CDKAL1: variants seen among roughly 807,000 people sequenced by gnomAD.
CDKAL1 encodes the protein CDKAL1 threonylcarbamoyladenosine tRNA methylthiotransferase.
In CDKAL1, 32 loss-of-function variants were observed where a neutral mutation model predicts 68.2. The observed-to-expected ratio is 0.47, with a 90% CI of 0.35 to 0.63. The LOEUF is 0.63. CDKAL1 is among the 30% of genes least tolerant of loss of function. The pLI is 0.00. For missense variants in CDKAL1, 606 were observed against 696.7 expected (o/e 0.87, Z 1.47); for synonymous variants, 234 against 244.3 (o/e 0.96, Z 0.39).
intron 2 of CDKAL1, among the ~76,000 whole-genome samples, chr6:20,540,558 C>T (rs1487201156): frequency 4.0e-5 from 6 of 151,756 alleles, no homozygotes; most frequent in African/African-American, 9.7e-5. Context: ...TGGGTTCAAG[C>T]GGTTCTTCTG....
intron 10 of CDKAL1, among the ~76,000 whole-genome samples, chr6:20,969,918 T>A (rs1232298665): frequency 6.6e-6 from 1 of 151,874 alleles, no homozygotes; most frequent in Non-Finnish European, 1.5e-5. Context: ...AGGCTTTGTA[T>A]GGATATCACA....
chr6:20,637,317 C>T (rs1561986018), intron 4 of CDKAL1, among the ~76,000 whole-genome samples: 1 of 152,080 alleles, frequency 6.6e-6, no homozygotes, highest in Non-Finnish European at 1.5e-5. Flanking sequence ...AATCTCAGCA[C>T]TCTGGGAGGC....
chr6:20,895,366 C>T (rs1761627289), intron 9 of CDKAL1, among the ~76,000 whole-genome samples: 1 of 152,196 alleles, frequency 6.6e-6, no homozygotes, highest in Non-Finnish European at 1.5e-5. Flanking sequence ...GGATTCCTTA[C>T]CTATAAATGA....
chr6:20,837,937 T>TGTGTGTGTG (rs1778015258), intron 8 of CDKAL1, among the ~76,000 whole-genome samples: 1 of 123,176 alleles, frequency 8.1e-6, no homozygotes, highest in Non-Finnish European at 1.7e-5. Context: ...TGGGAAGAAA[T>TGTGTGTGTG]TGTGTGTGTG....
At chr6:20,706,285 C>T (rs1771591451) in intron 5 of CDKAL1, among the ~76,000 whole-genome samples, 1 of 152,130 alleles carries the variant, frequency 6.6e-6, no homozygotes, top group South Asian at 2.1e-4. Flanking sequence ...TGGATTTTGG[C>T]TGTAGGGTTG....
At chr6:20,718,873 C>T (rs1000068294) in intron 5 of CDKAL1, among the ~76,000 whole-genome samples, 4 of 152,204 alleles carry the variant, frequency 2.6e-5, no homozygotes, top group South Asian at 2.1e-4. Context: ...TGTCTAATGA[C>T]GTCATCTACT....
Position 21,224,835 on chromosome 6 carries a change from C to CTAT in CDKAL1, c.1549-6011_1549-6009dup, listed in dbSNP as rs532602328. ...CTGGTAAGGTTTTTCCCTAGTAACC[C>CTAT]TATTTCATATTTATACTATGTAGTA... On this transcript the variant is annotated intron_variant, in intron 15 of 15. Transcript: ENST00000274695. Among the ~76,000 whole-genome samples the CTAT allele has an allele frequency of 2.2e-3, 329 of 152,310 alleles. 1 individual carries two copies. The highest frequency in any genetic ancestry group is 7.7e-3 in the African/African-American group (321 of 41,570).
intron 10 of CDKAL1, among the ~76,000 whole-genome samples, chr6:20,973,078 C>T (rs190366440): frequency 7.3e-6 from 1 of 136,236 alleles, no homozygotes; most frequent in African/African-American, 2.7e-5. Flanking sequence ...AACTCCGTCT[C>T]AAAAAAAAAA....
At position 20,613,417 on chromosome 6, in the gene CDKAL1, A is replaced by G. The variant is rs148067225; in HGVS notation, c.287-35876A>G. On this transcript the variant is annotated intron_variant, in intron 4 of 15. Coordinates refer to ENST00000274695, the MANE Select transcript of CDKAL1 (RefSeq NM_017774.3). Reference sequence around the variant, plus strand: ...GGCCTCCCAAGTAGCTGGGATTACAAGCATGTGCCACCATACCCGGCTGAT... The same window carrying G: ...GGCCTCCCAAGTAGCTGGGATTACAGGCATGTGCCACCATACCCGGCTGAT... 8.5e-3 allele frequency among the ~76,000 whole-genome samples: 1,273 copies of G among 150,224 alleles called. 26 individuals carry two copies. The highest frequency in any genetic ancestry group is 0.027 in the African/African-American group (1,095 of 41,222).
intron 10 of CDKAL1, among the ~76,000 whole-genome samples, chr6:20,988,146 C>T (rs375741573): frequency 5.3e-5 from 8 of 150,270 alleles, no homozygotes; most frequent in African/African-American, 2.0e-4. Context: ...GAGAATGCAT[C>T]AGTGGATTAA....
chr6:20,873,373 G>A lies in CDKAL1; in HGVS notation c.742+27195G>A, dbSNP rs574903803. Among the ~76,000 whole-genome samples, 17 of 152,248 alleles carry A rather than the reference G, an allele frequency of 1.1e-4. No homozygotes were observed. In the South Asian group the frequency reaches 1.5e-3, roughly 13 times the overall value. ...GAAGTATGCATTTATAAACTCTCAGGTGATGCAGATAATAAATAATGATTA... is the reference window on the plus strand; with the variant it reads ...GAAGTATGCATTTATAAACTCTCAGATGATGCAGATAATAAATAATGATTA... On this transcript the variant is annotated intron_variant, in intron 9 of 15. Transcript: ENST00000274695.
At chr6:20,890,631 C>T (rs745907666) in intron 9 of CDKAL1, among the ~76,000 whole-genome samples, 3 of 152,140 alleles carry the variant, frequency 2.0e-5, no homozygotes, top group East Asian at 1.9e-4. Context: ...GTTTCTTTGA[C>T]GTTCGTGGAG....
At chr6:20,606,609 G>A (rs947808424) in intron 4 of CDKAL1, among the ~76,000 whole-genome samples, 10 of 152,160 alleles carry the variant, frequency 6.6e-5, no homozygotes, top group Admixed American at 2.0e-4. Context: ...CTAAGGTCTT[G>A]TTTTAAGGAT....
intron 11 of CDKAL1, among the ~76,000 whole-genome samples, chr6:21,062,145 C>T (rs1282767618): frequency 9.2e-5 from 14 of 152,200 alleles, no homozygotes; most frequent in Non-Finnish European, 1.5e-5. Context: ...CAGTAAGGTA[C>T]TTTCCTGTGG....
intron 11 of CDKAL1, among the ~76,000 whole-genome samples, chr6:21,008,347 A>G (rs2150834656): frequency 6.6e-6 from 1 of 152,298 alleles, no homozygotes; most frequent in South Asian, 2.1e-4. Flanking sequence ...GAACACCAAT[A>G]TTTCAGTAAT....
At chr6:20,744,254 A>G (rs1773574177) in intron 6 of CDKAL1, among the ~76,000 whole-genome samples, 1 of 152,194 alleles carries the variant, frequency 6.6e-6, no homozygotes, top group African/African-American at 2.4e-5. Context: ...CTTTTAGATT[A>G]GTTAACCAGA....
chr6:20,859,532 A>G (rs552025299), intron 9 of CDKAL1, among the ~76,000 whole-genome samples: 1 of 152,370 alleles, frequency 6.6e-6, no homozygotes, highest in South Asian at 2.1e-4. Context: ...GCTGTCACCC[A>G]ATGCCAGTTC....
intron 4 of CDKAL1, among the ~76,000 whole-genome samples, chr6:20,617,830 G>A (rs1043734943): frequency 1.1e-4 from 17 of 152,106 alleles, no homozygotes; most frequent in Non-Finnish European, 2.5e-4. Context: ...AAGGACATTT[G>A]GGTTGGTTCC....
chr6:20,672,091 A>T (rs1333057442), intron 5 of CDKAL1, among the ~76,000 whole-genome samples: 8 of 151,800 alleles, frequency 5.3e-5, no homozygotes, highest in African/African-American at 1.9e-4. Flanking sequence ...TTATAGTTTG[A>T]CATCTGCTAG....
Sources: gnomAD v4.1 joint callset for allele counts (sites outside exome capture counted in the v4.1 genomes callset) on GRCh38, gnomAD v4.1.1 for gene constraint, MANE v1.5 for transcripts, NCBI Gene and HGNC (gene_info 2026-07-23, HGNC 2026-07-21) for gene names.